Variants in ZC3H12D observed in about 807,000 individuals in gnomAD.
The protein encoded by ZC3H12D is probable ribonuclease ZC3H12D.
Under a neutral mutation model 24.2 loss-of-function variants are expected in ZC3H12D, and 11 were observed. That is an observed-to-expected ratio of 0.46 (90% CI 0.29 to 0.75). The LOEUF is 0.75. Among genes scored for constraint, ZC3H12D ranks in the 30% least tolerant of loss-of-function variants. The probability of loss-of-function intolerance (pLI) is 0.11; values close to 1 mark genes in which losing one functional copy is unlikely to be tolerated. For missense variants in ZC3H12D, 740 were observed against 767.7 expected (o/e 0.96, Z 0.43); for synonymous variants, 333 against 341.8 (o/e 0.97, Z 0.28).
chr6:149,468,107 G>A (rs555350321), intron 2 of ZC3H12D, among the ~76,000 whole-genome samples: 258 of 152,232 alleles, frequency 1.7e-3, no homozygotes, highest in African/African-American at 5.3e-3. Context: ...TCAGCCTCCC[G>A]AGTAGCTGGG....
At chr6:149,453,294 TG>T (rs1251958658) in intron 4 of ZC3H12D, among the ~76,000 whole-genome samples, 2 of 75,100 alleles carry the variant, frequency 2.7e-5, no homozygotes, top group Non-Finnish European at 5.3e-5. Context: ...AGTGAGATCC[TG>T]GCTAAAAAAA....
rs1223178017 is a variant in ZC3H12D at position 149,474,056 on chromosome 6, G to A, written c.305+183C>T. On this transcript the variant is annotated intron_variant, in intron 2 of 5. Transcript: ENST00000409806. ...CCAACCGTACAGATGGGAAAAATGA[G>A]CTCAGAGGGGTTAAGTGACTTGCTT... 4.6e-5 allele frequency among the ~76,000 whole-genome samples: 7 copies of A among 152,154 alleles called. No homozygotes were observed. The East Asian group carries it at 1.3e-3, about 29-fold the overall frequency.
intron 2 of ZC3H12D, among the ~76,000 whole-genome samples, chr6:149,466,605 C>T (rs1339487704): frequency 6.6e-6 from 1 of 151,874 alleles, no homozygotes; most frequent in Non-Finnish European, 1.5e-5. Context: ...TGGCTGGGTG[C>T]TGTGGCTCAC....
chr6:149,464,858 C>A (rs1776126070), intron 2 of ZC3H12D, among the ~76,000 whole-genome samples: 2 of 152,108 alleles, frequency 1.3e-5, no homozygotes, highest in Non-Finnish European at 2.9e-5. Context: ...GAGGAATGAG[C>A]CCGGGCAACA....
At chr6:149,467,423 TA>T (rs1239539251) in intron 2 of ZC3H12D, among the ~76,000 whole-genome samples, 1 of 152,096 alleles carries the variant, frequency 6.6e-6, no homozygotes, top group Non-Finnish European at 1.5e-5. Context: ...TGGCTAATTT[TA>T]AAAATTTGTT....
At chr6:149,477,704 C>G (rs969649304) in intron 1 of ZC3H12D, among the ~76,000 whole-genome samples, 1 of 152,136 alleles carries the variant, frequency 6.6e-6, no homozygotes, top group Non-Finnish European at 1.5e-5. Context: ...GAGCACCAGG[C>G]ACAGTTATAA....
At chr6:149,459,640 C>T (rs761402982) in intron 3 of ZC3H12D, 1 of 717,934 alleles carries the variant, frequency 1.4e-6, no homozygotes, top group Non-Finnish European at 2.6e-6. Flanking sequence ...GCAGCTGCTC[C>T]CAGGAGAATG....
At position 149,447,255 on chromosome 6, in the gene ZC3H12D, G is replaced by GT. The variant is rs1267722010; in HGVS notation, c.*3427dup. 6.6e-6 allele frequency: 1 copy of GT among 151,928 alleles called. No homozygotes were observed. The highest frequency in any genetic ancestry group is 1.5e-5 in the Non-Finnish European group (1 of 68,042). The allele number at this position is 151,928 out of a possible 1,614,324, so 9.4% of individuals were successfully genotyped here. On this transcript the variant is annotated 3_prime_UTR_variant, in exon 6 of 6. Transcript: ENST00000409806. ...GTCTTCTTCACGCCTACTTTTTTTT[G>GT]TTTTTTGAGACAGAGTCTCACTCTG...
chr6:149,467,676 G>C (rs1392181434), intron 2 of ZC3H12D, among the ~76,000 whole-genome samples: 2 of 152,148 alleles, frequency 1.3e-5, no homozygotes, highest in Non-Finnish European at 2.9e-5. Flanking sequence ...TTACCCTTGA[G>C]GAAACTGAAG....
chr6:149,483,514 A>C (rs2115016530), intron 1 of ZC3H12D, among the ~76,000 whole-genome samples: 1 of 152,162 alleles, frequency 6.6e-6, no homozygotes, highest in Non-Finnish European at 1.5e-5. Flanking sequence ...CCTGGCACCC[A>C]CCATTGTACG....
intron 2 of ZC3H12D, among the ~76,000 whole-genome samples, chr6:149,472,206 C>T (rs1391773122): frequency 6.6e-6 from 1 of 152,092 alleles, no homozygotes; most frequent in Non-Finnish European, 1.5e-5. Flanking sequence ...GGTGGAACCT[C>T]ACACTCCACT....
rs1003380995 is a variant in ZC3H12D at position 149,450,807 on chromosome 6, C to T, written c.1460G>A (p.Ser487Asn). 1 of 1,548,290 alleles carries T rather than the reference C, an allele frequency of 6.5e-7. No individual in the cohort carries two copies. The highest frequency in any genetic ancestry group is 1.4e-5 in the African/African-American group (1 of 73,056). Residue 487 changes from serine to asparagine, a missense_variant, in exon 6 of 6, where the codon AGC becomes AAC. Physicochemically the swap from Ser to Asn is conservative, Grantham distance 46. Coordinates refer to ENST00000409806, the MANE Select transcript of ZC3H12D (RefSeq NM_207360.3). ...ARARARIALY[S>N]VFPRDQVDRV... ...GTCCACCTGGTCACGCGGGAAGACG[C>T]TGTAGAGCGCGATGCGAGCCCGGGC...
At chr6:149,461,716 G>A (rs1776075215) in intron 3 of ZC3H12D, 115 bp downstream of exon 3, 1 of 1,201,094 alleles carries the variant, frequency 8.3e-7, no homozygotes, top group East Asian at 2.6e-5. Flanking sequence ...ATAGCGCAGT[G>A]AGGAAGACAA....
chr6:149,460,839 A>G (rs377354700), intron 3 of ZC3H12D, among the ~76,000 whole-genome samples: 1 of 151,344 alleles, frequency 6.6e-6, no homozygotes, highest in African/African-American at 2.4e-5. Flanking sequence ...TCAAAAAAAA[A>G]AAAGAAAGAA....
At chr6:149,461,128 G>A in intron 3 of ZC3H12D, among the ~76,000 whole-genome samples, 1 of 152,124 alleles carries the variant, frequency 6.6e-6, no homozygotes, top group Non-Finnish European at 1.5e-5. Flanking sequence ...GGATCATGAA[G>A]TCAAGAGATT....
At chr6:149,463,489 T>G (rs567747238) in intron 2 of ZC3H12D, among the ~76,000 whole-genome samples, 1 of 152,288 alleles carries the variant, frequency 6.6e-6, no homozygotes, top group African/African-American at 2.4e-5. Context: ...GGCAGGTGGA[T>G]CATGAGGTCA....
chr6:149,452,585 C>T lies in ZC3H12D; in HGVS notation c.787+31G>A. On this transcript the variant is annotated intron_variant, in intron 5 of 5. Transcript: ENST00000409806. The surrounding 1 kb of genome is among the most constrained non-coding windows in gnomAD (Gnocchi z 4.0). ...TACTGCCCCCACACAAGGCCCTGAA[C>T]AGGGCCTGCGAAGCACTGGGCCCTA... 6.7e-7 allele frequency: 1 copy of T among 1,486,580 alleles called. No homozygotes were observed. Among genetic ancestry groups the T allele is most frequent in the Non-Finnish European group, 8.9e-7 (1 of 1,117,704 alleles). 92.1% of individuals were successfully genotyped at this position (1,486,580 alleles called of 1,614,324 possible).
Position 149,451,179 on chromosome 6 carries a change from G to C in ZC3H12D, c.1088C>G (p.Pro363Arg), listed in dbSNP as rs796932901. The C allele has an allele frequency of 3.0e-6, 4 of 1,313,086 alleles. No homozygotes were observed. The highest frequency in any genetic ancestry group is 2.9e-6 in the Non-Finnish European group (3 of 1,037,046). 81.3% of individuals were successfully genotyped at this position (1,313,086 alleles called of 1,614,324 possible). Residue 363 changes from proline (P) to arginine (R), a missense_variant, in exon 6 of 6, where the codon CCG (proline) becomes CGG (arginine). Physicochemically the swap from Pro to Arg is moderately radical, Grantham distance 103. Coordinates refer to ENST00000409806, the MANE Select transcript of ZC3H12D (RefSeq NM_207360.3). ...DDLGPLGPPL[P>R]VPACSLTPRL... ...GGGCGTGAGGCTGCAGGCGGGGACC[G>C]GGAGAGGCGGCCCCAGGGGCCCCAG... is the stretch of plus-strand genomic sequence containing the variant.
chr6:149,449,699 A>G lies in ZC3H12D; in HGVS notation c.*984T>C, dbSNP rs1313781259. The G allele has an allele frequency of 1.3e-5, 2 of 152,082 alleles. No homozygotes were observed. The highest frequency in any genetic ancestry group is 2.9e-5 in the Non-Finnish European group (2 of 68,058). The allele number at this position is 152,082 out of a possible 1,614,324, so 9.4% of individuals were successfully genotyped here. On this transcript the variant is annotated 3_prime_UTR_variant, in exon 6 of 6. Transcript: ENST00000409806. ...AGTGATCTGCCTGCCTCAGCCTTCCAAAGTGCTGGGATTACAGGCATGAGC... is the reference window on the plus strand; with the variant it reads ...AGTGATCTGCCTGCCTCAGCCTTCCGAAGTGCTGGGATTACAGGCATGAGC...
Sources: gnomAD v4.1 joint callset for allele counts (sites outside exome capture counted in the v4.1 genomes callset) on GRCh38, gnomAD v4.1.1 for gene constraint, Gnocchi (gnomAD v3.1) non-coding constraint, MANE v1.5 for transcripts, NCBI Gene and HGNC (gene_info 2026-07-23, HGNC 2026-07-21) for gene names.